Variants in CDC14B observed in about 807,000 individuals in gnomAD.
The protein encoded by CDC14B is cell division cycle 14B.
Under a neutral mutation model 64.2 loss-of-function variants are expected in CDC14B, and 22 were observed. The ratio of observed to expected loss-of-function variants is 0.34; its 90% CI spans 0.24 to 0.49. The LOEUF (loss-of-function observed/expected upper bound fraction) is 0.49, where lower values mean the gene tolerates loss of function less well. Among genes scored for constraint, CDC14B ranks in the 20% least tolerant of loss-of-function variants. The probability of loss-of-function intolerance (pLI) is 0.99; values close to 1 mark genes in which losing one functional copy is unlikely to be tolerated. For synonymous variants in CDC14B, 191 were observed against 215.8 expected, an observed-to-expected ratio of 0.89 and a Z score of 1.01; for missense variants, 498 against 629.9, an observed-to-expected ratio of 0.79 and a Z score of 2.24.
chr9:96,517,643 CAAAAAAAAAAAA>C (rs1016405679), intron 12 of CDC14B, among the ~76,000 whole-genome samples: 6 of 34,638 alleles, frequency 1.7e-4, no homozygotes, highest in African/African-American at 5.9e-4. Flanking sequence ...GACTCCGTCT[CAAAAAAAAAAAA>C]AAAAAAAAAG....
intron 9 of CDC14B, among the ~76,000 whole-genome samples, chr9:96,529,836 T>C (rs1244370128): frequency 6.6e-6 from 1 of 152,134 alleles, no homozygotes; most frequent in Non-Finnish European, 1.5e-5. Flanking sequence ...CCAACCTTTT[T>C]ATTCTTTCTC....
At chr9:96,572,647 TA>T (rs912926044) in intron 1 of CDC14B, among the ~76,000 whole-genome samples, 3 of 151,396 alleles carry the variant, frequency 2.0e-5, no homozygotes, top group Admixed American at 6.6e-5. Flanking sequence ...TTATTCAACA[TA>T]AAAAAAAGCC....
At chr9:96,540,604 A>T (rs1385403256) in intron 6 of CDC14B, among the ~76,000 whole-genome samples, 5 of 142,350 alleles carry the variant, frequency 3.5e-5, no homozygotes. Flanking sequence ...ATACCCAATT[A>T]AAAAAAAAAA....
intron 6 of CDC14B, among the ~76,000 whole-genome samples, chr9:96,540,412 C>T (rs536158234): frequency 4.6e-5 from 7 of 152,132 alleles, no homozygotes; most frequent in South Asian, 2.1e-4. Flanking sequence ...GTGAGTGGAT[C>T]GCTTGAGCTC....
intron 2 of CDC14B, 129 bp from the exon 3 acceptor site, chr9:96,564,981 T>C: frequency 1.7e-6 from 1 of 586,746 alleles, no homozygotes; most frequent in Non-Finnish European, 2.9e-6. Context: ...CAATACAACT[T>C]AAAGGTACTG....
Position 96,539,113 on chromosome 9 carries a change from T to C in CDC14B, c.592A>G (p.Asn198Asp), listed in dbSNP as rs762940254. Residue 198 changes from asparagine (N) to aspartate (D), a missense_variant, in exon 7 of 14, where the codon AAC becomes GAC. Physicochemically the swap from Asn to Asp is conservative, Grantham distance 23 (BLOSUM62 1). Transcript: ENST00000375241. ...TCATATTCATCAAGGTTAAATGAGTTGAAATTAAGGAAGCCATACTGCATT... is the reference window on the plus strand; with the variant it reads ...TCATATTCATCAAGGTTAAATGAGTCGAAATTAAGGAAGCCATACTGCATT... Reference protein sequence around the residue: ...KAMQYGFLNFNSFNLDEYEHY... With the variant: ...KAMQYGFLNFDSFNLDEYEHY... The C allele has an allele frequency of 6.2e-7, 1 of 1,610,556 alleles. No individual in the cohort carries two copies.
At chr9:96,522,477 T>C (rs761506665) in intron 12 of CDC14B, 29 bp downstream of exon 12, 8 of 1,451,868 alleles carry the variant, frequency 5.5e-6, no homozygotes, top group Non-Finnish European at 7.8e-6. Context: ...TGAAGAAACA[T>C]CAACCACAAC....
In CDC14B at chr9:96,619,508, G is replaced by A. The variant is rs1366252466; in HGVS notation, c.-130C>T. The A allele has an allele frequency of 3.1e-6, 1 of 324,988 alleles. No individual in the cohort carries two copies. Among genetic ancestry groups the A allele is most frequent in the African/African-American group, 2.3e-5 (1 of 44,074 alleles). 20.1% of individuals were successfully genotyped at this position (324,988 alleles called of 1,614,324 possible). A position where few individuals can be genotyped will look rare whatever the true frequency, so the allele number is the denominator to read the frequency against. On this transcript the variant is annotated 5_prime_UTR_variant, in exon 1 of 14. Coordinates refer to ENST00000375241, the MANE Select transcript of CDC14B (RefSeq NM_033331.4). ...CAGAGCGGCGCTGCGGGGACGGCGG[G>A]CGCCGGCAGAGCCCGGCGGGAGGCG...
rs116356623 is a variant in CDC14B, at chr9:96,508,456, G to A, written c.1460+1217C>T. ...TTCTCACTGTTATAAATAACACTCC[G>A]CTATTGTTCCAATGTACCGAAATCT... is the stretch of plus-strand genomic sequence containing the variant. On this transcript the variant is annotated intron_variant, in intron 13 of 13. Transcript: ENST00000375241. Among the ~76,000 whole-genome samples the A allele has an allele frequency of 7.0e-4, 106 of 152,274 alleles. 1 individual carries two copies. The highest frequency in any genetic ancestry group is 2.3e-3 in the African/African-American group (94 of 41,550).
intron 1 of CDC14B, among the ~76,000 whole-genome samples, chr9:96,592,776 A>C (rs1402528682): frequency 1.3e-5 from 2 of 152,164 alleles, no homozygotes; most frequent in South Asian, 2.1e-4. Context: ...TTGTCTCAAA[A>C]AACAAAAACA....
chr9:96,514,514 T>C (rs932279143), intron 12 of CDC14B: 1 of 985,316 alleles, frequency 1.0e-6, no homozygotes, highest in Non-Finnish European at 1.2e-6. Context: ...TTTTGCCTAA[T>C]TCTGAAGAGT....
chr9:96,518,263 TC>T, intron 12 of CDC14B, among the ~76,000 whole-genome samples: 1 of 152,076 alleles, frequency 6.6e-6, no homozygotes, highest in Non-Finnish European at 1.5e-5. Context: ...ACGCCTGTAA[TC>T]CCAGCACTTT....
At chr9:96,535,235 A>G (rs1207795301) in intron 7 of CDC14B, among the ~76,000 whole-genome samples, 1 of 152,190 alleles carries the variant, frequency 6.6e-6, no homozygotes, top group East Asian at 1.9e-4. Flanking sequence ...TGAACCCAGG[A>G]GGCGGAAGTT....
intron 1 of CDC14B, among the ~76,000 whole-genome samples, chr9:96,595,517 G>A (rs576512123): frequency 3.9e-5 from 6 of 152,298 alleles, no homozygotes; most frequent in East Asian, 1.9e-4. Flanking sequence ...AAACTTGTAC[G>A]TGAATGTTCT....
intron 1 of CDC14B, among the ~76,000 whole-genome samples, chr9:96,589,650 C>T (rs913219123): frequency 1.3e-5 from 2 of 151,914 alleles, no homozygotes; most frequent in Admixed American, 6.6e-5. Flanking sequence ...GATGTAACAC[C>T]GAGCTTTTAA....
intron 4 of CDC14B, among the ~76,000 whole-genome samples, chr9:96,559,808 T>G (rs1410873368): frequency 6.6e-6 from 1 of 152,076 alleles, no homozygotes; most frequent in Non-Finnish European, 1.5e-5. Flanking sequence ...CCCTAACCAA[T>G]CAAATCAGTA....
At chr9:96,544,503 TTC>T (rs1309056283) in intron 5 of CDC14B, among the ~76,000 whole-genome samples, 3 of 152,302 alleles carry the variant, frequency 2.0e-5, no homozygotes, top group Middle Eastern at 3.4e-3. Flanking sequence ...GGGTCTTGTT[TTC>T]TTTTTTTGAG....
chr9:96,536,398 G>A (rs1412961342), intron 7 of CDC14B, among the ~76,000 whole-genome samples: 1 of 152,158 alleles, frequency 6.6e-6, no homozygotes, highest in African/African-American at 2.4e-5. Flanking sequence ...TGCTTACATA[G>A]ACAAAGTAAC....
chr9:96,550,929 C>A (rs1841708531), intron 5 of CDC14B, among the ~76,000 whole-genome samples: 1 of 152,070 alleles, frequency 6.6e-6, no homozygotes, highest in Admixed American at 6.6e-5. Context: ...GCATTAGCAA[C>A]CTTATCGACT....
Sources: gnomAD v4.1 joint callset for allele counts (sites outside exome capture counted in the v4.1 genomes callset) on GRCh38, gnomAD v4.1.1 for gene constraint, MANE v1.5 for transcripts, NCBI Gene and HGNC (gene_info 2026-07-23, HGNC 2026-07-21) for gene names.